Variants in CDH7 observed in about 807,000 individuals in gnomAD.
CDH7 encodes the protein cadherin-7.
A neutral mutation model predicts 71.8 loss-of-function variants in CDH7; 25 were observed. The ratio of observed to expected loss-of-function variants is 0.35; its 90% CI spans 0.25 to 0.49. The LOEUF (loss-of-function observed/expected upper bound fraction) is 0.49. Among genes scored for constraint, CDH7 ranks in the 20% least tolerant of loss-of-function variants. The pLI, the probability that CDH7 is intolerant of heterozygous loss-of-function variation, is 0.99. For missense variants in CDH7, 862 were observed against 974.6 expected (o/e 0.88, Z 1.54); for synonymous variants, 381 against 363.8 (o/e 1.05, Z -0.54).
chr18:65,784,754 T>C (rs1009100368), intron 2 of CDH7, among the ~76,000 whole-genome samples: 3 of 152,188 alleles, frequency 2.0e-5, no homozygotes, highest in African/African-American at 7.2e-5. Context: ...CTTAAATCGC[T>C]AAGCTTTTGA....
chr18:65,848,757 G>T (rs553833167), intron 7 of CDH7, among the ~76,000 whole-genome samples: 1 of 151,962 alleles, frequency 6.6e-6, no homozygotes, highest in African/African-American at 2.4e-5. Flanking sequence ...AAAGTAATAC[G>T]CATCATTTTA....
intron 7 of CDH7, among the ~76,000 whole-genome samples, chr18:65,844,513 G>C (rs983000785): frequency 6.6e-6 from 1 of 151,764 alleles, no homozygotes; most frequent in African/African-American, 2.4e-5. Flanking sequence ...GTATATATTT[G>C]TTCAGTTTAA....
intron 6 of CDH7, among the ~76,000 whole-genome samples, chr18:65,836,979 A>G (rs1343136474): frequency 6.6e-6 from 1 of 152,196 alleles, no homozygotes; most frequent in Non-Finnish European, 1.5e-5. Context: ...GAATACACAG[A>G]GCTGGCAAGA....
intron 2 of CDH7, among the ~76,000 whole-genome samples, chr18:65,771,267 G>A (rs757049250): frequency 6.6e-6 from 1 of 152,012 alleles, no homozygotes; most frequent in Non-Finnish European, 1.5e-5. Flanking sequence ...AGAAATGAAC[G>A]AATAACAAGT....
At chr18:65,856,645 C>T (rs921540318) in intron 7 of CDH7, among the ~76,000 whole-genome samples, 24 of 152,004 alleles carry the variant, frequency 1.6e-4, no homozygotes, top group African/African-American at 5.6e-4. Flanking sequence ...TTTAATGGGT[C>T]ATGAGGGTAG....
intron 2 of CDH7, among the ~76,000 whole-genome samples, chr18:65,767,739 G>A (rs1345110268): frequency 1.3e-5 from 2 of 152,310 alleles, no homozygotes; most frequent in East Asian, 3.9e-4. Flanking sequence ...ATTTGGACAC[G>A]GATCAGCTCT....
At chr18:65,830,776 T>G (rs1912323221) in intron 6 of CDH7, among the ~76,000 whole-genome samples, 1 of 150,646 alleles carries the variant, frequency 6.6e-6, no homozygotes, top group South Asian at 2.1e-4. Context: ...CTTTTCTTAT[T>G]CTTTCTTAGC....
chr18:65,828,870 T>A (rs1003575229), intron 6 of CDH7, among the ~76,000 whole-genome samples: 8 of 152,204 alleles, frequency 5.3e-5, no homozygotes, highest in African/African-American at 1.9e-4. Flanking sequence ...GGGTTTGTCC[T>A]GTTATCCTCA....
chr18:65,850,891 A>G (rs1248904314), intron 7 of CDH7, among the ~76,000 whole-genome samples: 1 of 148,918 alleles, frequency 6.7e-6, no homozygotes, highest in Non-Finnish European at 1.5e-5. Flanking sequence ...GGCTCACTGC[A>G]ACTTCCGCCT....
At chr18:65,770,922 A>T (rs185724508) in intron 2 of CDH7, among the ~76,000 whole-genome samples, 6 of 152,290 alleles carry the variant, frequency 3.9e-5, no homozygotes, top group African/African-American at 1.4e-4. Context: ...TAGATAACTT[A>T]AACAATAGAA....
intron 1 of CDH7, among the ~76,000 whole-genome samples, chr18:65,757,044 G>GTTTTT (rs35923381): frequency 1.4e-5 from 2 of 143,938 alleles, no homozygotes; most frequent in African/African-American, 5.0e-5. Flanking sequence ...ATGCATAACA[G>GTTTTT]TTTTTTTTTT....
intron 6 of CDH7, among the ~76,000 whole-genome samples, chr18:65,840,682 C>A (rs1328120805): frequency 6.6e-6 from 1 of 152,074 alleles, no homozygotes; most frequent in African/African-American, 2.4e-5. Flanking sequence ...GTGAGATGTG[C>A]CTTTCACCTT....
intron 2 of CDH7, among the ~76,000 whole-genome samples, chr18:65,775,019 C>T (rs546113208): frequency 6.6e-6 from 1 of 152,046 alleles, no homozygotes; most frequent in Admixed American, 6.6e-5. Context: ...AAGATCCAGA[C>T]AGGAAATGAG....
intron 4 of CDH7, among the ~76,000 whole-genome samples, chr18:65,818,530 A>G (rs1468129717): frequency 1.3e-5 from 2 of 152,220 alleles, no homozygotes; most frequent in Non-Finnish European, 2.9e-5. Flanking sequence ...CTTCCTGAAT[A>G]TGTACTATAT....
intron 2 of CDH7, among the ~76,000 whole-genome samples, chr18:65,768,400 G>A (rs1276135933): frequency 2.6e-5 from 4 of 151,806 alleles, no homozygotes; most frequent in African/African-American, 9.7e-5. Context: ...ATACTTGGAT[G>A]GTTTTTGTAT....
chr18:65,842,568 C>G (rs562542696), intron 6 of CDH7, among the ~76,000 whole-genome samples: 5 of 151,756 alleles, frequency 3.3e-5, no homozygotes, highest in Admixed American at 3.3e-4. Context: ...ATGCACTGTA[C>G]ACAGTATGGG....
Position 65,861,743 on chromosome 18 carries a change from C to T in CDH7, c.1613-923C>T, listed in dbSNP as rs188300655. ...TCATCTCGCTGTTTCACTAGAGTAC[C>T]GTTAATTTTTTCATGCTATCATTGA... On this transcript the variant is annotated intron_variant, in intron 10 of 11. Transcript: ENST00000397968. 4.2e-4 allele frequency among the ~76,000 whole-genome samples: 64 copies of T among 151,982 alleles called. 2 individuals carry two copies. The East Asian group carries it at 0.012, about 28-fold the overall frequency.
At chr18:65,786,359 A>G (rs1048214076) in intron 2 of CDH7, among the ~76,000 whole-genome samples, 1 of 152,124 alleles carries the variant, frequency 6.6e-6, no homozygotes, top group East Asian at 1.9e-4. Context: ...TAACATAAAA[A>G]TTTATTTTGG....
intron 11 of CDH7, among the ~76,000 whole-genome samples, chr18:65,871,009 A>G (rs1409864584): frequency 6.6e-6 from 1 of 152,196 alleles, no homozygotes; most frequent in Non-Finnish European, 1.5e-5. Flanking sequence ...GAATAGGTCC[A>G]GTATCCTCCA....
Sources: gnomAD v4.1 joint callset for allele counts (sites outside exome capture counted in the v4.1 genomes callset) on GRCh38, gnomAD v4.1.1 for gene constraint, MANE v1.5 for transcripts, NCBI Gene and HGNC (gene_info 2026-07-23, HGNC 2026-07-21) for gene names.